WNK2: variants seen among roughly 807,000 people sequenced by gnomAD.
The protein encoded by WNK2 is serine/threonine-protein kinase WNK2.
WNK2 carries 67 observed loss-of-function variants against 192.1 expected under a neutral mutation model. That is an observed-to-expected ratio of 0.35 (90% CI 0.29 to 0.43). The LOEUF (loss-of-function observed/expected upper bound fraction) is 0.43, where lower values mean the gene tolerates loss of function less well. Among genes scored for constraint, WNK2 ranks in the 20% least tolerant of loss-of-function variants. The probability of loss-of-function intolerance (pLI) is 1.00; values close to 1 mark genes in which losing one functional copy is unlikely to be tolerated. For synonymous variants in WNK2, 1,439 were observed against 1,393.9 expected, an observed-to-expected ratio of 1.03 and a Z score of -0.72; for missense variants, 2,698 against 3,089.7, an observed-to-expected ratio of 0.87 and a Z score of 3.01.
chr9:93,255,609 A>C (rs376573198), intron 9 of WNK2, among the ~76,000 whole-genome samples: 23 of 152,270 alleles, frequency 1.5e-4, no homozygotes, highest in African/African-American at 5.1e-4. Context: ...GAGAACGTTC[A>C]TGGCAGGGTG....
intron 2 of WNK2, among the ~76,000 whole-genome samples, chr9:93,201,765 C>T (rs951634534): frequency 2.6e-5 from 4 of 152,194 alleles, no homozygotes; most frequent in Non-Finnish European, 5.9e-5. Flanking sequence ...GGCCTGTCAG[C>T]CTCTGTAAAT....
intron 23 of WNK2, among the ~76,000 whole-genome samples, chr9:93,296,003 TC>T (rs1850278058): frequency 1.1e-5 from 1 of 91,170 alleles, no homozygotes; most frequent in South Asian, 4.8e-4. Context: ...CTTCCTTCCC[TC>T]TCCATTCTCC....
intron 29 of WNK2, chr9:93,318,700 C>A: frequency 6.8e-7 from 1 of 1,469,260 alleles, no homozygotes; most frequent in Non-Finnish European, 9.0e-7. Flanking sequence ...AGACCTGTGG[C>A]TCTGCTCACC....
At chr9:93,205,761 G>A (rs1833257901) in intron 2 of WNK2, among the ~76,000 whole-genome samples, 2 of 152,246 alleles carry the variant, frequency 1.3e-5, no homozygotes, top group Admixed American at 1.3e-4. Context: ...CTCTCTGGGG[G>A]ACGTGGTGTT....
At chr9:93,253,567 G>A (rs945877064) in intron 9 of WNK2, among the ~76,000 whole-genome samples, 3 of 152,062 alleles carry the variant, frequency 2.0e-5, no homozygotes, top group African/African-American at 7.2e-5. Context: ...CCTGAGATTC[G>A]ATCTAGCTGC....
intron 29 of WNK2, chr9:93,319,140 G>T (rs1377347385): frequency 6.2e-7 from 1 of 1,614,060 alleles, no homozygotes; most frequent in South Asian, 1.1e-5. Context: ...TGTACATGGT[G>T]GTCAGTGGCA....
At chr9:93,211,520 A>G (rs1255806080) in intron 2 of WNK2, among the ~76,000 whole-genome samples, 2 of 142,042 alleles carry the variant, frequency 1.4e-5, no homozygotes, top group African/African-American at 2.7e-5. Context: ...CCACTCACTC[A>G]TACATTCACT....
chr9:93,250,673 C>T (rs1485685827), intron 8 of WNK2, among the ~76,000 whole-genome samples: 1 of 152,078 alleles, frequency 6.6e-6, no homozygotes, highest in Non-Finnish European at 1.5e-5. Flanking sequence ...CAAGCGGGGG[C>T]TTCCTTGGTG....
chr9:93,303,273 G>A (rs1173518260), intron 26 of WNK2, among the ~76,000 whole-genome samples: 2 of 152,210 alleles, frequency 1.3e-5, no homozygotes, highest in Non-Finnish European at 2.9e-5. Context: ...GTCAGGTGCA[G>A]ATGCTGAGAT....
intron 2 of WNK2, among the ~76,000 whole-genome samples, chr9:93,186,426 C>T (rs1255665140): frequency 6.6e-6 from 1 of 152,152 alleles, no homozygotes; most frequent in African/African-American, 2.4e-5. Flanking sequence ...CTGGGACAGC[C>T]TAGGAAGCAG....
chr9:93,304,283 C>A (rs11789707), intron 26 of WNK2, among the ~76,000 whole-genome samples: 1 of 152,204 alleles, frequency 6.6e-6, no homozygotes, highest in Non-Finnish European at 1.5e-5. Flanking sequence ...GAGGGAGCCT[C>A]CACTTGCGCC....
At chr9:93,285,707 C>G (rs971619216) in intron 19 of WNK2, among the ~76,000 whole-genome samples, 17 of 152,304 alleles carry the variant, frequency 1.1e-4, no homozygotes, top group African/African-American at 4.1e-4. Flanking sequence ...TGATTATATA[C>G]TCTTTACAGA....
intron 2 of WNK2, among the ~76,000 whole-genome samples, chr9:93,222,994 T>G (rs545309734): frequency 7.5e-4 from 114 of 152,306 alleles, no homozygotes; most frequent in African/African-American, 2.7e-3. Flanking sequence ...GATGTTCTTT[T>G]TAAAATCATG....
chr9:93,302,574 T>G (rs1851805439), intron 26 of WNK2, among the ~76,000 whole-genome samples: 1 of 152,002 alleles, frequency 6.6e-6, no homozygotes, highest in African/African-American at 2.4e-5. Flanking sequence ...TATAGAAGGA[T>G]CCTGGCCTCT....
chr9:93,197,707 G>A (rs904608361), intron 2 of WNK2, among the ~76,000 whole-genome samples: 4 of 152,124 alleles, frequency 2.6e-5, no homozygotes, highest in South Asian at 2.1e-4. Flanking sequence ...ATTTGTAGTA[G>A]AGACGGGGTT....
chr9:93,260,118 G>A (rs1193866942), intron 12 of WNK2, among the ~76,000 whole-genome samples: 3 of 152,186 alleles, frequency 2.0e-5, no homozygotes, highest in East Asian at 1.9e-4. Flanking sequence ...GGTGGGACCC[G>A]GGGCCATGTC....
At chr9:93,208,179 C>T (rs1400014172) in intron 2 of WNK2, among the ~76,000 whole-genome samples, 1 of 152,246 alleles carries the variant, frequency 6.6e-6, no homozygotes, top group Non-Finnish European at 1.5e-5. Flanking sequence ...GTCCAAATTA[C>T]TGGCTTTGGA....
chr9:93,320,058 G>C (rs78771717), intron 29 of WNK2, among the ~76,000 whole-genome samples: 1,587 of 152,324 alleles, frequency 0.01, 27 homozygotes, highest in East Asian at 0.052. Flanking sequence ...TCATCCCAGA[G>C]CCTCCTGTTT....
intron 5 of WNK2, among the ~76,000 whole-genome samples, chr9:93,237,616 G>C (rs1840047264): frequency 6.6e-6 from 1 of 152,124 alleles, no homozygotes; most frequent in Non-Finnish European, 1.5e-5. Flanking sequence ...GTCTCTTTCT[G>C]TTGGCTGGCT....
Sources: gnomAD v4.1 joint callset for allele counts (sites outside exome capture counted in the v4.1 genomes callset) on GRCh38, gnomAD v4.1.1 for gene constraint, MANE v1.5 for transcripts, NCBI Gene and HGNC (gene_info 2026-07-23, HGNC 2026-07-21) for gene names.